The following TSNARE1 variants were observed in gnomAD, a reference collection of about 807,000 sequenced individuals.
TSNARE1 encodes the protein t-SNARE domain-containing protein 1.
A neutral mutation model predicts 62.0 loss-of-function variants in TSNARE1; 49 were observed. The ratio of observed to expected loss-of-function variants is 0.79; its 90% confidence interval spans 0.63 to 1.00. The LOEUF (loss-of-function observed/expected upper bound fraction) is 1.00. Ranked by LOEUF, TSNARE1 falls within the 50% of genes least tolerant of loss-of-function variation. The probability of loss-of-function intolerance (pLI) is 0.00; values close to 1 mark genes in which losing one functional copy is unlikely to be tolerated. For synonymous variants in TSNARE1, 328 were observed against 294.4 expected, an observed-to-expected ratio of 1.11 and a Z score of -1.17; for missense variants, 755 against 700.1, an observed-to-expected ratio of 1.08 and a Z score of -0.88.
intron 7 of TSNARE1, 64 bp downstream of exon 7, chr8:142,318,480 T>G (rs1175679543): frequency 8.7e-6 from 13 of 1,501,520 alleles, no homozygotes; most frequent in Non-Finnish European, 1.2e-5. Context: ...ACATCCCTGC[T>G]CCCATCACAG....
chr8:142,274,803 A>G lies in TSNARE1; in HGVS notation c.1424T>C (p.Leu475Pro). Residue 475 changes from leucine (L) to proline (P), a missense_variant, in exon 12 of 14, where the codon CTG (leucine) becomes CCG (proline). Physicochemically the swap from Leu to Pro is moderately conservative, Grantham distance 98 (BLOSUM62 -3). Transcript: ENST00000524325. ...SSHAEAARQL[L>P]AGASRHQLQR... ...TACTTGGTGCCGGCTGGCTCCAGCC[A>G]GGAGCTGGCGGGCTGCCTCCGCATG... The G allele has an allele frequency of 1.3e-6, 2 of 1,579,776 alleles. No homozygotes were observed. Among genetic ancestry groups the G allele is most frequent in the Non-Finnish European group, 1.7e-6 (2 of 1,163,646 alleles).
intron 13 of TSNARE1, among the ~76,000 whole-genome samples, chr8:142,213,890 A>G (rs550137861): frequency 1.3e-5 from 2 of 151,420 alleles, no homozygotes; most frequent in East Asian, 1.9e-4. Context: ...CCAGCCCCCC[A>G]GGAAGCCCTG....
chr8:142,272,961 CCT>C (rs1431734252), intron 12 of TSNARE1: 11 of 985,370 alleles, frequency 1.1e-5, no homozygotes, highest in African/African-American at 1.7e-5. Flanking sequence ...CTCATCCCTC[CCT>C]GATACTCCCT....
At chr8:142,285,404 GTGGGTGGA>G (rs1458931934) in intron 10 of TSNARE1, among the ~76,000 whole-genome samples, 1 of 147,534 alleles carries the variant, frequency 6.8e-6, no homozygotes, top group Non-Finnish European at 1.5e-5. Context: ...GGATGGGTGG[GTGGGTGGA>G]TGGATGGATG....
At chr8:142,272,722 C>A in intron 12 of TSNARE1, 1 of 960,900 alleles carries the variant, frequency 1.0e-6, no homozygotes, top group African/African-American at 2.0e-5. Flanking sequence ...CCTGACACAC[C>A]GTGGGGAGGG....
chr8:142,290,454 G>C (rs1823564540), intron 10 of TSNARE1, among the ~76,000 whole-genome samples: 1 of 152,178 alleles, frequency 6.6e-6, no homozygotes, highest in South Asian at 2.1e-4. Flanking sequence ...TCTTTCACTG[G>C]CACAGCGGAA....
chr8:142,281,625 G>A (rs1331597952), intron 11 of TSNARE1, among the ~76,000 whole-genome samples: 1 of 152,086 alleles, frequency 6.6e-6, no homozygotes, highest in East Asian at 2.0e-4. Context: ...TAGGGTCAGG[G>A]TTAAGGGGAC....
At chr8:142,257,389 C>G (rs1041065524) in intron 12 of TSNARE1, among the ~76,000 whole-genome samples, 2 of 152,170 alleles carry the variant, frequency 1.3e-5, no homozygotes, top group Admixed American at 1.3e-4. Flanking sequence ...GACAGCTGGC[C>G]GTGGACAGCC....
chr8:142,302,586 G>A (rs1188601938), intron 9 of TSNARE1, among the ~76,000 whole-genome samples: 1 of 152,114 alleles, frequency 6.6e-6, no homozygotes, highest in Non-Finnish European at 1.5e-5. Context: ...CCCTCTGCGG[G>A]GAACATAATC....
chr8:142,231,989 G>T (rs1193191921), intron 12 of TSNARE1, among the ~76,000 whole-genome samples: 1 of 152,228 alleles, frequency 6.6e-6, no homozygotes, highest in East Asian at 1.9e-4. Context: ...ATGCGTGGGG[G>T]TCTCCCAGGT....
intron 12 of TSNARE1, among the ~76,000 whole-genome samples, chr8:142,237,858 G>C (rs1817509582): frequency 6.6e-6 from 1 of 152,190 alleles, no homozygotes; most frequent in Non-Finnish European, 1.5e-5. Flanking sequence ...CAGCCCCGCA[G>C]GGTGGCTTAC....
chr8:142,270,215 C>G (rs894170646), intron 12 of TSNARE1: 2 of 985,250 alleles, frequency 2.0e-6, no homozygotes, highest in East Asian at 1.1e-4. Context: ...GTGGCAGCCC[C>G]GCCAAGGGAT....
intron 1 of TSNARE1, among the ~76,000 whole-genome samples, chr8:142,360,580 C>A (rs568532902): frequency 6.6e-6 from 1 of 152,178 alleles, no homozygotes; most frequent in African/African-American, 2.4e-5. Flanking sequence ...CCCGCCGAGG[C>A]CAGCCACCAG....
intron 11 of TSNARE1, chr8:142,277,584 C>G (rs1820716398): frequency 1.0e-6 from 1 of 985,348 alleles, no homozygotes; most frequent in Admixed American, 6.1e-5. Context: ...TACTTCCTGC[C>G]TCTGCGCCCA....
intron 6 of TSNARE1, among the ~76,000 whole-genome samples, chr8:142,325,215 C>G (rs1830027522): frequency 6.6e-6 from 1 of 152,140 alleles, no homozygotes; most frequent in African/African-American, 2.4e-5. Flanking sequence ...GGCCGTGGGA[C>G]TGGAGGGGGT....
chr8:142,399,878 A>C (rs895918370), intron 1 of TSNARE1, among the ~76,000 whole-genome samples: 2 of 152,210 alleles, frequency 1.3e-5, no homozygotes, highest in Non-Finnish European at 2.9e-5. Context: ...CAGTAGCCAC[A>C]GAAACGCCCG....
chr8:142,330,677 C>T (rs1830888183), intron 6 of TSNARE1, among the ~76,000 whole-genome samples: 1 of 152,244 alleles, frequency 6.6e-6, no homozygotes, highest in African/African-American at 2.4e-5. Flanking sequence ...ACCTGTGTGC[C>T]CTGTGGAGGG....
intron 1 of TSNARE1, among the ~76,000 whole-genome samples, chr8:142,374,934 G>A (rs748215219): frequency 3.3e-5 from 5 of 152,110 alleles, no homozygotes; most frequent in African/African-American, 9.7e-5. Context: ...GACAGAACCC[G>A]CCAGGGACCC....
At chr8:142,388,219 A>AT (rs965327831) in intron 1 of TSNARE1, among the ~76,000 whole-genome samples, 3 of 152,232 alleles carry the variant, frequency 2.0e-5, no homozygotes, top group African/African-American at 7.2e-5. Context: ...ATGATTCTTG[A>AT]TTTTTTAAAA....
Sources: gnomAD v4.1 joint callset for allele counts (sites outside exome capture counted in the v4.1 genomes callset) on GRCh38, gnomAD v4.1.1 for gene constraint, MANE v1.5 for transcripts, NCBI Gene and HGNC (gene_info 2026-07-23, HGNC 2026-07-21) for gene names.